DGCR2: variants seen among roughly 807,000 people sequenced by gnomAD.
DGCR2 encodes integral membrane protein DGCR2/IDD.
In DGCR2, 24 loss-of-function variants were observed where a neutral mutation model predicts 51.6. That is an observed-to-expected ratio of 0.47 (90% CI 0.34 to 0.65). The LOEUF is 0.65. DGCR2 is among the 30% of genes least tolerant of loss of function. The pLI, the probability that DGCR2 is intolerant of heterozygous loss-of-function variation, is 0.01. For synonymous variants in DGCR2, 340 were observed against 315.4 expected (o/e 1.08, Z -0.82); for missense variants, 765 against 772.1 (o/e 0.99, Z 0.11).
chr22:19,044,836 G>A (rs762567789), intron 7 of DGCR2, among the ~76,000 whole-genome samples: 4 of 152,012 alleles, frequency 2.6e-5, no homozygotes, highest in Non-Finnish European at 5.9e-5. Context: ...GCATTGTTTT[G>A]TTTTCTTATT....
rs1274274435 is a variant in DGCR2 at position 19,041,159 on chromosome 22, G to C, written c.1295C>G (p.Pro432Arg). The C allele has an allele frequency of 7.4e-6, 12 of 1,613,966 alleles. No individual in the cohort carries two copies. The highest frequency in any genetic ancestry group is 1.0e-5 in the Non-Finnish European group (12 of 1,179,998). The change falls in exon 9 of 10, where the codon CCC becomes CGC. Residue 432 changes from proline to arginine, a missense_variant. Pro to Arg is a moderately radical substitution (Grantham distance 103). Around this residue, in one of 3 missense-constraint regions of DGCR2, gnomAD observed 205 missense variants for 181.4 expected, o/e 1.13. Coordinates refer to ENST00000263196, the MANE Select transcript of DGCR2 (RefSeq NM_005137.3). Reference protein sequence around the residue: ...GTFHFHDPPPPYTAYKYPDIG... With the variant: ...GTFHFHDPPPRYTAYKYPDIG... ...GTCCGGGTACTTGTATGCCGTGTAG[G>C]GAGGTGGAGGGTCGTGGAAATGGAA...
chr22:19,094,007 TA>T (rs200593112), intron 1 of DGCR2, among the ~76,000 whole-genome samples: 5 of 146,132 alleles, frequency 3.4e-5, no homozygotes, highest in Admixed American at 2.0e-4. Flanking sequence ...TCCCCAACTC[TA>T]AAAAAAAATA....
chr22:19,071,330 T>G lies in DGCR2; in HGVS notation c.203-3105A>C, dbSNP rs192020149. 2.1e-3 allele frequency among the ~76,000 whole-genome samples: 324 copies of G among 152,300 alleles called. 4 individuals are homozygous for G. Among genetic ancestry groups the G allele is most frequent in the African/African-American group, 7.4e-3 (309 of 41,554 alleles). ...TCAGGGAGAATACCTAGAATACCAC[T>G]CCACAGACTATTTATTCACAAATTA... On this transcript the variant is annotated intron_variant, in intron 2 of 9. Coordinates refer to ENST00000263196, the MANE Select transcript of DGCR2 (RefSeq NM_005137.3).
chr22:19,048,757 C>A, intron 6 of DGCR2, 114 bp from the exon 7 acceptor site: 1 of 1,013,456 alleles, frequency 9.9e-7, no homozygotes, highest in South Asian at 1.4e-5. Context: ...GTGAATGCTA[C>A]CTGTTACCTT....
At chr22:19,103,622 G>T (rs1271956527) in intron 1 of DGCR2, among the ~76,000 whole-genome samples, 1 of 148,476 alleles carries the variant, frequency 6.7e-6, no homozygotes, top group Non-Finnish European at 1.5e-5. Flanking sequence ...TGGAGACAGG[G>T]TTTCACTGTG....
intron 1 of DGCR2, among the ~76,000 whole-genome samples, chr22:19,098,262 C>T (rs548102797): frequency 8.7e-4 from 133 of 152,238 alleles, no homozygotes; most frequent in Non-Finnish European, 5.3e-4. Flanking sequence ...CTAACTGAGT[C>T]GGCCTTCTTG....
At chr22:19,104,845 G>A (rs1169388190) in intron 1 of DGCR2, among the ~76,000 whole-genome samples, 1 of 152,210 alleles carries the variant, frequency 6.6e-6, no homozygotes, top group Non-Finnish European at 1.5e-5. Context: ...CATACAAGTT[G>A]CTACTAGGAA....
chr22:19,075,067 ATTTTC>A (rs2082860024), intron 2 of DGCR2, among the ~76,000 whole-genome samples: 2 of 150,028 alleles, frequency 1.3e-5, no homozygotes, highest in Middle Eastern at 3.4e-3. Context: ...CATCTCCTCT[ATTTTC>A]TTTTAAGGAA....
In DGCR2 at chr22:19,057,017, G is replaced by A; in HGVS notation, c.771C>T (p.Cys257=). The A allele has an allele frequency of 6.3e-7, 1 of 1,592,836 alleles. No individual in the cohort carries two copies. Among genetic ancestry groups the A allele is most frequent in the Non-Finnish European group, 8.6e-7 (1 of 1,169,472 alleles). The change falls in exon 6 of 10, where the codon TGC becomes TGT. Residue 257 remains cysteine (C), a synonymous_variant. Transcript: ENST00000263196. The surrounding 1 kb of genome is among the most constrained non-coding windows in gnomAD (Gnocchi z 5.1). The part of the protein sequence containing the change: ...HDLHSWHAES[C]YEKSSFLCKR... ...TACACAGAAATGAAGACTTCTCGTA[G>A]CAGCTCTCGGCGTGCCAGCTGTGGA...
intron 2 of DGCR2, among the ~76,000 whole-genome samples, chr22:19,068,979 C>T (rs1455510374): frequency 1.3e-5 from 2 of 152,256 alleles, no homozygotes; most frequent in Non-Finnish European, 2.9e-5. Flanking sequence ...CTCCTCCCAT[C>T]TCACAAGGTG....
At chr22:19,065,445 C>T (rs1428840058) in intron 3 of DGCR2, among the ~76,000 whole-genome samples, 1 of 152,312 alleles carries the variant, frequency 6.6e-6, no homozygotes, top group Non-Finnish European at 1.5e-5. Context: ...TCCTGGCCTC[C>T]GCTGCCAGCT....
intron 2 of DGCR2, among the ~76,000 whole-genome samples, chr22:19,069,856 G>A (rs2082794091): frequency 6.6e-6 from 1 of 152,180 alleles, no homozygotes; most frequent in Admixed American, 6.5e-5. Context: ...TGATGGGGAT[G>A]GGTTGCTATT....
In DGCR2 at chr22:19,048,565, A is replaced by G; in HGVS notation, c.881T>C (p.Leu294Pro). 1 of 1,614,222 alleles carries G rather than the reference A, an allele frequency of 6.2e-7. No homozygotes were observed. The change falls in exon 7 of 10, where the codon CTG (leucine) becomes CCG (proline). Residue 294 changes from leucine to proline, a missense_variant. Physicochemically the swap from Leu to Pro is moderately conservative, Grantham distance 98 (BLOSUM62 -3). Around this residue, in one of 3 missense-constraint regions of DGCR2, gnomAD observed 190 missense variants for 265.2 expected, o/e 0.72. Transcript: ENST00000263196. ...YFTPKGDDPCLSCTCHGGEPE... is the reference protein window; with the variant it reads ...YFTPKGDDPCPSCTCHGGEPE... The stretch of plus-strand genomic sequence containing the variant: ...CTCCCCTCCATGGCAGGTGCAGCTC[A>G]GGCATGGGTCGTCCCCCTTAGGGGT...
chr22:19,093,835 T>C (rs927694850), intron 1 of DGCR2, among the ~76,000 whole-genome samples: 10 of 151,480 alleles, frequency 6.6e-5, no homozygotes, highest in African/African-American at 2.4e-4. Context: ...CATCTCTACA[T>C]TACAAAAAAA....
chr22:19,085,105 GAAAA>G (rs111548476), intron 2 of DGCR2, among the ~76,000 whole-genome samples: 75 of 137,606 alleles, frequency 5.5e-4, no homozygotes, highest in South Asian at 1.8e-3. Context: ...TCCTGCCTTG[GAAAA>G]AAAAAAAAAA....
At chr22:19,065,177 G>T in intron 3 of DGCR2, 110 bp from the exon 4 acceptor site, 1 of 941,640 alleles carries the variant, frequency 1.1e-6, no homozygotes, top group Non-Finnish European at 1.6e-6. Context: ...CTAGAGAAGT[G>T]GGGAAACTGA....
Position 19,089,410 on chromosome 22 carries a change from A to T in DGCR2, c.160T>A (p.Trp54Arg). Residue 54 changes from tryptophan (W) to arginine (R), a missense_variant, in exon 2 of 10, where the codon TGG becomes AGG. By Grantham distance (101) the Trp-to-Arg change is moderately radical. Coordinates refer to ENST00000263196, the MANE Select transcript of DGCR2 (RefSeq NM_005137.3). ...CIPLPWQCDG[W>R]ATCEDESDEA... Reference sequence around the variant, plus strand: ...TCGCTCTCATCCTCGCAAGTCGCCCAGCCGTCACACTGCCAGGGGAGGGGG... The same window carrying T: ...TCGCTCTCATCCTCGCAAGTCGCCCTGCCGTCACACTGCCAGGGGAGGGGG... The T allele has an allele frequency of 6.2e-7, 1 of 1,611,040 alleles. No homozygotes were observed. Among genetic ancestry groups the T allele is most frequent in the Non-Finnish European group, 8.5e-7 (1 of 1,178,588 alleles).
At chr22:19,093,373 A>C (rs1460934372) in intron 1 of DGCR2, among the ~76,000 whole-genome samples, 2 of 152,110 alleles carry the variant, frequency 1.3e-5, no homozygotes, top group Non-Finnish European at 1.5e-5. Context: ...AAAAAAAAAA[A>C]AAAAATCAAA....
intron 2 of DGCR2, among the ~76,000 whole-genome samples, chr22:19,077,049 T>G (rs565949480): frequency 6.6e-6 from 1 of 152,272 alleles, no homozygotes; most frequent in Middle Eastern, 3.4e-3. Context: ...AACCAGGATA[T>G]TTATTATTAT....
Sources: allele counts gnomAD v4.1 joint callset (sites outside exome capture counted in the v4.1 genomes callset), GRCh38; gene constraint gnomAD v4.1.1; regional missense constraint gnomAD v4.1.1; non-coding constraint Gnocchi (gnomAD v3.1); transcripts MANE v1.5; gene names NCBI Gene and HGNC (gene_info 2026-07-23, HGNC 2026-07-21).